The following ELMO1 variants were observed in gnomAD, a reference collection of about 807,000 sequenced individuals.
The protein encoded by ELMO1 is engulfment and cell motility protein 1.
A neutral mutation model predicts 98.9 loss-of-function variants in ELMO1; 26 were observed. The observed-to-expected ratio is 0.26, with a 90% CI of 0.19 to 0.36. ELMO1 has a LOEUF of 0.36. Ranked by LOEUF, ELMO1 falls within the 10% of genes least tolerant of loss-of-function variation. ELMO1 has a pLI of 1.00. For synonymous variants in ELMO1, 346 were observed against 346.0 expected (o/e 1.00, Z 0.00); for missense variants, 627 against 935.2 (o/e 0.67, Z 4.30).
At chr7:37,025,234 A>C (rs1198837004) in intron 15 of ELMO1, among the ~76,000 whole-genome samples, 8 of 152,196 alleles carry the variant, frequency 5.3e-5, no homozygotes, top group Admixed American at 5.2e-4. Context: ...AAAAACAACA[A>C]CAATGAAAAA....
chr7:36,992,494 A>C (rs1791942926), intron 16 of ELMO1, among the ~76,000 whole-genome samples: 1 of 152,236 alleles, frequency 6.6e-6, no homozygotes, highest in African/African-American at 2.4e-5. Context: ...GCTGATGAAA[A>C]ATCAAGCCAG....
In ELMO1 at chr7:37,170,014, G is replaced by A. The variant is rs180897348; in HGVS notation, c.1087-36780C>T. Among the ~76,000 whole-genome samples, 19 of 152,052 alleles carry A rather than the reference G, an allele frequency of 1.2e-4. No homozygotes were observed. The East Asian group carries it at 2.5e-3, about 20-fold the overall frequency. On this transcript the variant is annotated intron_variant, in intron 13 of 21. Coordinates refer to ENST00000310758, the MANE Select transcript of ELMO1 (RefSeq NM_014800.11). The stretch of plus-strand genomic sequence containing the variant: ...CCTCCTGGGTTCAAGCGATTCTCCC[G>A]CCTCAGCCTCCCGAGTAGCTGCGAT...
chr7:37,292,280 C>T (rs112137729), intron 4 of ELMO1, among the ~76,000 whole-genome samples: 3,673 of 69,146 alleles, frequency 0.053, 72 homozygotes, highest in Middle Eastern at 0.26. Flanking sequence ...AGTGCAGTGG[C>T]GTGATCTCGG....
chr7:37,233,674 T>A (rs1020147257), intron 7 of ELMO1, among the ~76,000 whole-genome samples: 1 of 152,202 alleles, frequency 6.6e-6, no homozygotes. Context: ...TTATTACCCA[T>A]ACACATCCAA....
At chr7:37,031,533 G>A (rs1053399717) in intron 15 of ELMO1, among the ~76,000 whole-genome samples, 7 of 152,158 alleles carry the variant, frequency 4.6e-5, no homozygotes, top group African/African-American at 1.7e-4. Flanking sequence ...ATCCAGAGCA[G>A]TTGTTCCCAC....
At chr7:37,073,418 C>T (rs1797386124) in intron 15 of ELMO1, among the ~76,000 whole-genome samples, 1 of 152,036 alleles carries the variant, frequency 6.6e-6, no homozygotes, top group South Asian at 2.1e-4. Context: ...ACAGTAGAGG[C>T]TAAAAGGGAA....
chr7:37,387,140 C>T (rs1802839113), intron 1 of ELMO1, among the ~76,000 whole-genome samples: 2 of 152,366 alleles, frequency 1.3e-5, no homozygotes, highest in Non-Finnish European at 2.9e-5. Context: ...CTTGAGTATG[C>T]AGCTTCTAGC....
intron 7 of ELMO1, among the ~76,000 whole-genome samples, chr7:37,243,772 C>T (rs932978021): frequency 5.3e-5 from 8 of 152,248 alleles, no homozygotes; most frequent in African/African-American, 1.9e-4. Context: ...TTGTTAGAAC[C>T]ATATTTGGAC....
At chr7:37,341,478 T>G (rs1800717358) in intron 2 of ELMO1, among the ~76,000 whole-genome samples, 1 of 152,240 alleles carries the variant, frequency 6.6e-6, no homozygotes, top group Non-Finnish European at 1.5e-5. Flanking sequence ...GGTTCCTTCT[T>G]GAGTCAGTAG....
intron 2 of ELMO1, among the ~76,000 whole-genome samples, chr7:37,322,676 G>A (rs958177224): frequency 2.9e-4 from 44 of 151,564 alleles, no homozygotes; most frequent in Non-Finnish European, 4.9e-4. Context: ...GGTGGCGTGT[G>A]CCTATAGTAA....
At chr7:37,269,811 T>A (rs888779603) in intron 5 of ELMO1, 1 of 152,154 alleles carries the variant, frequency 6.6e-6, no homozygotes, top group Non-Finnish European at 1.5e-5. Flanking sequence ...GCTGGGAATG[T>A]GAGGATCATT....
chr7:37,306,311 C>T (rs1798611215), intron 4 of ELMO1, among the ~76,000 whole-genome samples: 1 of 152,076 alleles, frequency 6.6e-6, no homozygotes, highest in African/African-American at 2.4e-5. Context: ...AACACTACAG[C>T]AGTTTGGCTA....
intron 20 of ELMO1, among the ~76,000 whole-genome samples, chr7:36,866,373 C>CT (rs1466014231): frequency 6.6e-6 from 1 of 152,218 alleles, no homozygotes; most frequent in Non-Finnish European, 1.5e-5. Flanking sequence ...GCACTGAACT[C>CT]TGTTAAACAT....
chr7:36,926,125 C>T (rs1785548557), intron 16 of ELMO1, among the ~76,000 whole-genome samples: 1 of 152,198 alleles, frequency 6.6e-6, no homozygotes, highest in South Asian at 2.1e-4. Flanking sequence ...CCTCCTTTTC[C>T]TGAACGTGTT....
rs1277085786 is a variant in ELMO1, at chr7:37,088,989, G to A, written c.1300+7630C>T. ...TTTGCATAAGCAAGAGTACAAGCTC[G>A]TATTTGGAGAAAAAAAAAGGTCCTT... On this transcript the variant is annotated intron_variant, in intron 15 of 21. Coordinates refer to ENST00000310758, the MANE Select transcript of ELMO1 (RefSeq NM_014800.11). Among the ~76,000 whole-genome samples, 10 of 152,020 alleles carry A rather than the reference G, an allele frequency of 6.6e-5. No individual in the cohort carries two copies. The East Asian group carries it at 1.5e-3, about 23-fold the overall frequency.
chr7:37,184,857 C>T (rs1053674443), intron 13 of ELMO1, among the ~76,000 whole-genome samples: 4 of 152,016 alleles, frequency 2.6e-5, no homozygotes, highest in African/African-American at 4.8e-5. Context: ...CATGATCATG[C>T]CACTGCACGC....
intron 2 of ELMO1, among the ~76,000 whole-genome samples, chr7:37,337,327 G>A (rs920380020): frequency 1.3e-5 from 2 of 152,004 alleles, no homozygotes; most frequent in Non-Finnish European, 1.5e-5. Flanking sequence ...ATTGAACAAT[G>A]AGAACACATG....
intron 20 of ELMO1, chr7:36,861,983 C>G: frequency 3.9e-6 from 2 of 515,056 alleles, no homozygotes; most frequent in Non-Finnish European, 7.1e-6. Flanking sequence ...GTGTTTTCAT[C>G]TCCTTTATGA....
rs527809917 is a variant in ELMO1 at position 37,172,026 on chromosome 7, C to T, written c.1087-38792G>A. Among the ~76,000 whole-genome samples the T allele has an allele frequency of 5.1e-4, 78 of 152,168 alleles. No homozygotes were observed. The Middle Eastern group carries it at 0.01, about 20-fold the overall frequency. The stretch of plus-strand genomic sequence containing the variant: ...AATAAAAATTTGTCATTTGGAAGAA[C>T]ATAGTTTTGACATTTAAAAGATACA... On this transcript the variant is annotated intron_variant, in intron 13 of 21. Transcript: ENST00000310758.
Sources: allele counts gnomAD v4.1 joint callset (sites outside exome capture counted in the v4.1 genomes callset), GRCh38; gene constraint gnomAD v4.1.1; transcripts MANE v1.5; gene names NCBI Gene and HGNC (gene_info 2026-07-23, HGNC 2026-07-21).